Variants in TMEM207 observed in about 807,000 individuals in gnomAD.
The protein encoded by TMEM207 is transmembrane protein 207.
In TMEM207, 15 loss-of-function variants were observed where a neutral mutation model predicts 17.4. That is an observed-to-expected ratio of 0.86 (90% confidence interval 0.58 to 1.33). TMEM207 has a LOEUF of 1.33. TMEM207 is among the 40% of genes most tolerant of loss of function. The pLI is 0.00. For synonymous variants in TMEM207, 70 were observed against 65.6 expected (o/e 1.07, Z -0.33); for missense variants, 205 against 173.8 (o/e 1.18, Z -1.01).
At chr3:190,436,743 T>C (rs1478311246) in intron 4 of TMEM207, among the ~76,000 whole-genome samples, 2 of 152,168 alleles carry the variant, frequency 1.3e-5, no homozygotes, top group African/African-American at 4.8e-5. Flanking sequence ...CAAATTGTCT[T>C]AAAATATTGA....
chr3:190,445,490 T>C (rs1048525601), intron 2 of TMEM207, among the ~76,000 whole-genome samples: 4 of 152,208 alleles, frequency 2.6e-5, no homozygotes, highest in African/African-American at 9.6e-5. Flanking sequence ...TACCCTGGTG[T>C]TGAAAACAAA....
intron 3 of TMEM207, among the ~76,000 whole-genome samples, chr3:190,440,973 G>T (rs955336457): frequency 6.6e-6 from 1 of 152,154 alleles, no homozygotes; most frequent in African/African-American, 2.4e-5. Context: ...GGAGGCTGAG[G>T]CTGGAGAATG....
intron 4 of TMEM207, among the ~76,000 whole-genome samples, chr3:190,438,717 T>A (rs1169792419): frequency 6.6e-6 from 1 of 152,206 alleles, no homozygotes; most frequent in African/African-American, 2.4e-5. Context: ...TTGCATTTAC[T>A]TATTAAATAC....
At chr3:190,436,135 G>A (rs1016541000) in intron 4 of TMEM207, among the ~76,000 whole-genome samples, 4 of 152,164 alleles carry the variant, frequency 2.6e-5, no homozygotes, top group African/African-American at 7.2e-5. Context: ...GAAGAGCCGA[G>A]CTATTTCAAT....
intron 4 of TMEM207, among the ~76,000 whole-genome samples, chr3:190,435,262 C>T (rs1719776492): frequency 6.6e-6 from 1 of 152,158 alleles, no homozygotes; most frequent in Non-Finnish European, 1.5e-5. Flanking sequence ...GGCCTCTCTC[C>T]TTGGATTGCA....
chr3:190,445,771 CCACTTTGGCATCCCAAAGT>C (rs1290468550), intron 2 of TMEM207, among the ~76,000 whole-genome samples: 1 of 152,188 alleles, frequency 6.6e-6, no homozygotes, highest in Non-Finnish European at 1.5e-5. Context: ...GGTGATCCAC[CCACTTTGGCATCCCAAAGT>C]GCTAGGATTA....
At chr3:190,431,408 ATTATT>A (rs1719688980) in intron 4 of TMEM207, among the ~76,000 whole-genome samples, 1 of 152,024 alleles carries the variant, frequency 6.6e-6, no homozygotes, top group Admixed American at 6.6e-5. Flanking sequence ...TATTTACAAT[ATTATT>A]TTTCAATCCA....
rs1577445901 is a variant in TMEM207, at chr3:190,440,347, T to C, written c.201A>G (p.Gly67=). 1.2e-6 allele frequency: 2 copies of C among 1,613,572 alleles called. No individual in the cohort carries two copies. Among genetic ancestry groups the C allele is most frequent in the Non-Finnish European group, 1.7e-6 (2 of 1,179,862 alleles). The change falls in exon 4 of 5, where the codon GGA becomes GGG. Residue 67 remains glycine, a synonymous_variant. Transcript: ENST00000354905. ...AGCACTGGAGGCAGAGGACCACAGC[T>C]CCACAGAGAAGAGCTGCCACCAAAA... ...LLVLVAALLC[G]AVVLCLQCWL...
intron 4 of TMEM207, among the ~76,000 whole-genome samples, chr3:190,435,235 GGGT>G: frequency 1.3e-5 from 2 of 152,144 alleles, no homozygotes. Flanking sequence ...GGTTTCGGCA[GGGT>G]AGGTTTCTTC....
At chr3:190,436,464 A>G (rs552972311) in intron 4 of TMEM207, among the ~76,000 whole-genome samples, 5 of 152,320 alleles carry the variant, frequency 3.3e-5, no homozygotes, top group African/African-American at 1.2e-4. Flanking sequence ...GCACAGTCCC[A>G]TAACCTTGGT....
intron 1 of TMEM207, 58 bp downstream of exon 1, chr3:190,449,677 T>TCCTCAGAGTA: frequency 1.3e-6 from 2 of 1,508,206 alleles, no homozygotes; most frequent in Admixed American, 1.7e-5. Flanking sequence ...GCAAATCAAG[T>TCCTCAGAGTA]CCTCAGAGTA....
Position 190,429,722 on chromosome 3 carries a change from G to A in TMEM207, c.314C>T (p.Ala105Val), listed in dbSNP as rs200187146. The part of the protein sequence containing the change: ...GDLDSIYGTE[A>V]AVSPTVGIHL... ...AATTCCAACAGTTGGACTCACAGCT[G>A]CTTCTGTCCCTGGAAAGAGAAAGAT... is the stretch of plus-strand genomic sequence containing the variant. The change falls in exon 5 of 5, where the codon GCA becomes GTA. Residue 105 changes from alanine (A) to valine (V), a missense_variant. Transcript: ENST00000354905. The A allele has an allele frequency of 1.2e-6, 2 of 1,604,446 alleles. No individual in the cohort carries two copies. Among genetic ancestry groups the A allele is most frequent in the Non-Finnish European group, 1.7e-6 (2 of 1,175,964 alleles).
chr3:190,441,604 T>C (rs1719940039), intron 2 of TMEM207, 122 bp from the exon 3 acceptor site: 1 of 719,758 alleles, frequency 1.4e-6, no homozygotes, highest in African/African-American at 1.8e-5. Context: ...CATATTCCCA[T>C]ACCAGCCCAT....
chr3:190,447,302 G>A (rs780956827), intron 2 of TMEM207, among the ~76,000 whole-genome samples: 7 of 152,064 alleles, frequency 4.6e-5, no homozygotes, highest in African/African-American at 7.2e-5. Flanking sequence ...TAAGTCTATC[G>A]CACAAAAAGT....
At chr3:190,435,474 G>T (rs1037877527) in intron 4 of TMEM207, among the ~76,000 whole-genome samples, 1 of 152,130 alleles carries the variant, frequency 6.6e-6, no homozygotes, top group Non-Finnish European at 1.5e-5. Flanking sequence ...GTTAGAATTT[G>T]AACACATGAA....
At chr3:190,438,882 T>A (rs1560107145) in intron 4 of TMEM207, among the ~76,000 whole-genome samples, 1 of 151,794 alleles carries the variant, frequency 6.6e-6, no homozygotes, top group African/African-American at 2.4e-5. Flanking sequence ...GAGACTTTAA[T>A]TATCCTTCCT....
chr3:190,435,502 T>C (rs1719785904), intron 4 of TMEM207, among the ~76,000 whole-genome samples: 1 of 152,150 alleles, frequency 6.6e-6, no homozygotes, highest in Admixed American at 6.5e-5. Context: ...GGGACACAGT[T>C]CAACCCACAA....
At chr3:190,441,503 T>C (rs765828739) in intron 2 of TMEM207, 21 bp from the exon 3 acceptor site, 1 of 1,605,010 alleles carries the variant, frequency 6.2e-7, no homozygotes, top group Admixed American at 1.7e-5. Context: ...AGGGAGAGCG[T>C]TAGTCCTGGA....
chr3:190,437,791 A>T (rs1719835231), intron 4 of TMEM207, among the ~76,000 whole-genome samples: 1 of 151,854 alleles, frequency 6.6e-6, no homozygotes. Flanking sequence ...ATAAAGACAC[A>T]TGCACACGTA....
Sources: allele counts gnomAD v4.1 joint callset (sites outside exome capture counted in the v4.1 genomes callset), GRCh38; gene constraint gnomAD v4.1.1; transcripts MANE v1.5; gene names NCBI Gene and HGNC (gene_info 2026-07-23, HGNC 2026-07-21).